SUPT3H: variants seen among roughly 807,000 people sequenced by gnomAD.
SUPT3H encodes the protein SPT3 homolog, SAGA and STAGA complex component.
Under a neutral mutation model 44.3 loss-of-function variants are expected in SUPT3H, and 44 were observed. That is an observed-to-expected ratio of 0.99 (90% confidence interval 0.78 to 1.28). SUPT3H has a LOEUF of 1.28. SUPT3H is among the 50% of genes most tolerant of loss of function. The pLI, the probability that SUPT3H is intolerant of heterozygous loss-of-function variation, is 0.00. For synonymous variants in SUPT3H, 124 were observed against 125.6 expected (o/e 0.99, Z 0.09); for missense variants, 380 against 387.1 (o/e 0.98, Z 0.15).
chr6:45,250,797 A>T (rs1389726553), intron 2 of SUPT3H, among the ~76,000 whole-genome samples: 1 of 152,062 alleles, frequency 6.6e-6, no homozygotes, highest in Non-Finnish European at 1.5e-5. Flanking sequence ...GTTTATAGAA[A>T]AGCTCATGGA....
At chr6:45,285,498 T>G (rs1159212625) in intron 2 of SUPT3H, among the ~76,000 whole-genome samples, 1 of 151,980 alleles carries the variant, frequency 6.6e-6, no homozygotes, top group East Asian at 1.9e-4. Context: ...TCACAATTGC[T>G]TCAAAGAGAA....
chr6:45,084,596 C>A (rs186823543), intron 3 of SUPT3H, among the ~76,000 whole-genome samples: 17 of 152,242 alleles, frequency 1.1e-4, no homozygotes, highest in Admixed American at 3.3e-4. Context: ...TCATCTGACC[C>A]AGGATCCTAT....
At chr6:45,185,526 C>G (rs899195965) in intron 2 of SUPT3H, among the ~76,000 whole-genome samples, 1 of 152,146 alleles carries the variant, frequency 6.6e-6, no homozygotes, top group East Asian at 1.9e-4. Flanking sequence ...AGTCCAAAAC[C>G]GCAACAGCCT....
intron 2 of SUPT3H, among the ~76,000 whole-genome samples, chr6:45,239,065 G>A (rs1235614684): frequency 6.6e-6 from 1 of 152,158 alleles, no homozygotes; most frequent in African/African-American, 2.4e-5. Context: ...CTATACTTCA[G>A]CTCAAAATGC....
At chr6:44,904,322 C>T (rs1253815434) in intron 10 of SUPT3H, among the ~76,000 whole-genome samples, 1 of 152,184 alleles carries the variant, frequency 6.6e-6, no homozygotes, top group Non-Finnish European at 1.5e-5. Context: ...TCAGCAAAGT[C>T]TCAGGATACA....
intron 2 of SUPT3H, among the ~76,000 whole-genome samples, chr6:45,201,249 A>C (rs1285472777): frequency 1.3e-5 from 2 of 151,674 alleles, no homozygotes; most frequent in African/African-American, 4.8e-5. Context: ...GTAATCCTAG[A>C]GTTTAACATA....
At chr6:45,179,768 G>C in intron 2 of SUPT3H, among the ~76,000 whole-genome samples, 1 of 152,194 alleles carries the variant, frequency 6.6e-6, no homozygotes, top group Non-Finnish European at 1.5e-5. Flanking sequence ...ATATCATTCT[G>C]AATGGGCAAA....
chr6:44,974,840 C>T (rs17339124), intron 6 of SUPT3H, among the ~76,000 whole-genome samples: 1 of 151,988 alleles, frequency 6.6e-6, no homozygotes, highest in East Asian at 1.9e-4. Context: ...ATTCTATACC[C>T]TATGTGAAAG....
intron 10 of SUPT3H, among the ~76,000 whole-genome samples, chr6:44,926,168 G>C (rs1410376966): frequency 6.6e-6 from 1 of 152,014 alleles, no homozygotes; most frequent in African/African-American, 2.4e-5. Flanking sequence ...GGCATATTTT[G>C]ATATTTAGTT....
At chr6:45,252,204 T>C (rs1216437657) in intron 2 of SUPT3H, among the ~76,000 whole-genome samples, 1 of 152,190 alleles carries the variant, frequency 6.6e-6, no homozygotes, top group Non-Finnish European at 1.5e-5. Flanking sequence ...GTCTCATTTG[T>C]AGAAAGAGAA....
chr6:45,344,753 C>A (rs1790504244), intron 2 of SUPT3H, among the ~76,000 whole-genome samples: 1 of 152,008 alleles, frequency 6.6e-6, no homozygotes, highest in African/African-American at 2.4e-5. Flanking sequence ...GGTGAGTCTG[C>A]CTTTAAGACA....
At chr6:44,843,784 A>G (rs1771379097) in intron 10 of SUPT3H, among the ~76,000 whole-genome samples, 1 of 152,108 alleles carries the variant, frequency 6.6e-6, no homozygotes, top group African/African-American at 2.4e-5. Flanking sequence ...TATTGTAAAG[A>G]TATTTTTCCA....
chr6:44,975,449 A>G (rs1256702221), intron 6 of SUPT3H, among the ~76,000 whole-genome samples: 1 of 152,210 alleles, frequency 6.6e-6, no homozygotes, highest in East Asian at 1.9e-4. Context: ...ATGGAGTTGG[A>G]GATCATTATT....
At chr6:45,120,502 T>A (rs1279723418) in intron 2 of SUPT3H, among the ~76,000 whole-genome samples, 1 of 148,518 alleles carries the variant, frequency 6.7e-6, no homozygotes, top group Non-Finnish European at 1.5e-5. Context: ...GATACTTTGA[T>A]AAAATTGGAA....
At chr6:45,237,812 G>GA (rs1320035153) in intron 2 of SUPT3H, among the ~76,000 whole-genome samples, 1 of 151,986 alleles carries the variant, frequency 6.6e-6, no homozygotes, top group Non-Finnish European at 1.5e-5. Flanking sequence ...TCATAATTAA[G>GA]AAAAAATCAG....
chr6:44,834,679 T>A (rs1288136841), intron 10 of SUPT3H, among the ~76,000 whole-genome samples: 1 of 152,126 alleles, frequency 6.6e-6, no homozygotes, highest in Non-Finnish European at 1.5e-5. Flanking sequence ...CACAGTCACA[T>A]GGTTTTCGCC....
intron 2 of SUPT3H, among the ~76,000 whole-genome samples, chr6:45,120,982 T>C (rs576848522): frequency 6.6e-6 from 1 of 152,290 alleles, no homozygotes; most frequent in South Asian, 2.1e-4. Context: ...TATTAATAGA[T>C]TATAATACAA....
At chr6:45,189,597 T>C (rs557130338) in intron 2 of SUPT3H, among the ~76,000 whole-genome samples, 1 of 152,226 alleles carries the variant, frequency 6.6e-6, no homozygotes, top group South Asian at 2.1e-4. Context: ...TAAAGTAGGA[T>C]TTCTGTGTCA....
chr6:44,981,735 G>C (rs977771287), intron 6 of SUPT3H, among the ~76,000 whole-genome samples: 3 of 152,090 alleles, frequency 2.0e-5, no homozygotes, highest in Non-Finnish European at 2.9e-5. Flanking sequence ...ATAGCTCTGA[G>C]ATTCTGTGGT....
Sources: gnomAD v4.1 joint callset for allele counts (sites outside exome capture counted in the v4.1 genomes callset) on GRCh38, gnomAD v4.1.1 for gene constraint, MANE v1.5 for transcripts, NCBI Gene and HGNC (gene_info 2026-07-23, HGNC 2026-07-21) for gene names.